SMAD9: variants seen among roughly 807,000 people sequenced by gnomAD.
SMAD9 encodes the protein SMAD family member 9.
SMAD9 carries 36 observed loss-of-function variants against 46.1 expected under a neutral mutation model. The ratio of observed to expected loss-of-function variants is 0.78; its 90% CI spans 0.60 to 1.03. SMAD9 has a LOEUF of 1.03. Ranked by LOEUF, SMAD9 falls within the 50% of genes least tolerant of loss-of-function variation. The pLI is 0.00. For missense variants in SMAD9, 572 were observed against 599.8 expected (o/e 0.95, Z 0.48); for synonymous variants, 245 against 237.1 (o/e 1.03, Z -0.31).
intron 1 of SMAD9, among the ~76,000 whole-genome samples, chr13:36,905,665 T>TA (rs1301666986): frequency 1.1e-4 from 16 of 151,282 alleles, no homozygotes; most frequent in African/African-American, 3.9e-4. Flanking sequence ...TCTCAGCTAC[T>TA]AGGAAGGCTG....
At chr13:36,856,476 G>A (rs899158672) in intron 5 of SMAD9, among the ~76,000 whole-genome samples, 71 of 152,206 alleles carry the variant, frequency 4.7e-4, no homozygotes, top group Admixed American at 5.9e-4. Flanking sequence ...AGCATCCAGA[G>A]AGAGAAGAGC....
intron 6 of SMAD9, chr13:36,852,226 A>G (rs1038505449): frequency 2.2e-6 from 2 of 889,920 alleles, no homozygotes; most frequent in African/African-American, 3.6e-5. Flanking sequence ...TTGAGTATAG[A>G]AAAATTATTT....
At chr13:36,850,918 C>G (rs1566329769) in intron 6 of SMAD9, among the ~76,000 whole-genome samples, 1 of 152,120 alleles carries the variant, frequency 6.6e-6, no homozygotes, top group Non-Finnish European at 1.5e-5. Flanking sequence ...TCTTTTTCTC[C>G]CACGCCTGAT....
chr13:36,879,232 G>A (rs1204563217), intron 2 of SMAD9, 46 bp downstream of exon 2: 6 of 1,547,244 alleles, frequency 3.9e-6, no homozygotes, highest in East Asian at 2.2e-5. Flanking sequence ...TGGGGCACAC[G>A]ACCTTCACTC....
intron 1 of SMAD9, among the ~76,000 whole-genome samples, chr13:36,904,631 A>G (rs540454474): frequency 3.3e-4 from 50 of 152,290 alleles, no homozygotes; most frequent in African/African-American, 1.1e-3. Context: ...CTCATCCTTC[A>G]ACCACAGCTC....
At chr13:36,860,075 A>G (rs2058165572) in intron 5 of SMAD9, among the ~76,000 whole-genome samples, 1 of 152,214 alleles carries the variant, frequency 6.6e-6, no homozygotes, top group South Asian at 2.1e-4. Context: ...CTTTCTTAAT[A>G]AACTTGCCCT....
At chr13:36,904,364 T>C (rs1038558641) in intron 1 of SMAD9, among the ~76,000 whole-genome samples, 3 of 152,196 alleles carry the variant, frequency 2.0e-5, no homozygotes, top group Non-Finnish European at 4.4e-5. Context: ...GTCACTAAAA[T>C]TGCACGGCGC....
intron 2 of SMAD9, among the ~76,000 whole-genome samples, chr13:36,877,514 G>A (rs901273620): frequency 1.3e-5 from 2 of 151,912 alleles, no homozygotes; most frequent in African/African-American, 4.8e-5. Context: ...ATTTATTAAT[G>A]AACATTTTTC....
At chr13:36,902,513 G>T (rs1395566614) in intron 1 of SMAD9, among the ~76,000 whole-genome samples, 1 of 151,762 alleles carries the variant, frequency 6.6e-6, no homozygotes, top group Non-Finnish European at 1.5e-5. Flanking sequence ...GAGTGCAGTG[G>T]CACAATCTCA....
intron 2 of SMAD9, among the ~76,000 whole-genome samples, chr13:36,874,414 G>A (rs9576127): frequency 0.2 from 30,588 of 152,150 alleles, 3,229 homozygotes; most frequent in East Asian, 0.32. Flanking sequence ...GCTACTAGAA[G>A]TCAACAGACC....
At chr13:36,854,850 C>G (rs986349734) in intron 5 of SMAD9, among the ~76,000 whole-genome samples, 12 of 152,036 alleles carry the variant, frequency 7.9e-5, no homozygotes, top group African/African-American at 2.9e-4. Flanking sequence ...ATTTGTCATC[C>G]ACTAATATAA....
At chr13:36,920,705 C>G (rs918358899), upstream of SMAD9, 6 of 152,378 alleles carry the variant, frequency 3.9e-5, no homozygotes, top group African/African-American at 1.4e-4. Context: ...AATATAGGAT[C>G]ACCGGCCCAT....
chr13:36,880,171 C>T (rs1413547520), intron 1 of SMAD9, among the ~76,000 whole-genome samples: 1 of 152,348 alleles, frequency 6.6e-6, no homozygotes, highest in South Asian at 2.1e-4. Context: ...ATTCTGCCCT[C>T]AAAGTCTTTG....
intron 3 of SMAD9, 51 bp downstream of exon 3, chr13:36,872,607 A>T: frequency 6.3e-7 from 1 of 1,591,736 alleles, no homozygotes; most frequent in Admixed American, 1.7e-5. Context: ...ATAAATCATG[A>T]TGTTGGGCTT....
chr13:36,865,701 T>C lies in SMAD9; in HGVS notation c.839A>G (p.Glu280Gly). The C allele has an allele frequency of 6.2e-7, 1 of 1,614,128 alleles. No individual in the cohort carries two copies. Among genetic ancestry groups the C allele is most frequent in the Non-Finnish European group, 8.5e-7 (1 of 1,180,004 alleles). The change falls in exon 5 of 7, where the codon GAA becomes GGA. Residue 280 changes from glutamate to glycine, a missense_variant. Glu to Gly is a moderately conservative substitution (Grantham distance 98). Coordinates refer to ENST00000379826, the MANE Select transcript of SMAD9 (RefSeq NM_001127217.3). ...PQHWCSVAYY[E>G]LNNRVGETFQ... ...TGTCTCCCCAACTCGGTTGTTCAGT[T>C]CATAGTAGGCGACCGAGCACCAGTG...
chr13:36,901,513 C>T (rs1261767361), intron 1 of SMAD9, among the ~76,000 whole-genome samples: 3 of 151,666 alleles, frequency 2.0e-5, no homozygotes, highest in Non-Finnish European at 2.9e-5. Context: ...CTGCAACCTC[C>T]GCCTCCCAGG....
chr13:36,904,374 C>T (rs1273590196), intron 1 of SMAD9, among the ~76,000 whole-genome samples: 3 of 152,186 alleles, frequency 2.0e-5, no homozygotes, highest in Non-Finnish European at 2.9e-5. Flanking sequence ...TTGCACGGCG[C>T]TGGGATTTGC....
At chr13:36,885,587 T>C (rs139666620) in intron 1 of SMAD9, among the ~76,000 whole-genome samples, 97 of 152,240 alleles carry the variant, frequency 6.4e-4, no homozygotes, top group Middle Eastern at 3.4e-3. Context: ...GAGACTTTTC[T>C]AGCTGTATTC....
upstream of SMAD9, among the ~76,000 whole-genome samples, chr13:36,920,425 C>G (rs1252555080): frequency 6.6e-6 from 1 of 151,578 alleles, no homozygotes; most frequent in African/African-American, 2.4e-5. Flanking sequence ...TGCGCGGAAA[C>G]TCGCGGCGCG....
Sources: allele counts gnomAD v4.1 joint callset (sites outside exome capture counted in the v4.1 genomes callset), GRCh38; gene constraint gnomAD v4.1.1; transcripts MANE v1.5; gene names NCBI Gene and HGNC (gene_info 2026-07-23, HGNC 2026-07-21).